Variants in RALGAPA2 observed in about 807,000 individuals in gnomAD.
RALGAPA2 encodes the protein ral GTPase-activating protein subunit alpha-2.
A neutral mutation model predicts 230.4 loss-of-function variants in RALGAPA2; 139 were observed. The observed-to-expected ratio is 0.60, with a 90% CI of 0.53 to 0.69. The LOEUF (loss-of-function observed/expected upper bound fraction) is 0.69. RALGAPA2 is among the 30% of genes least tolerant of loss of function. The pLI, the probability that RALGAPA2 is intolerant of heterozygous loss-of-function variation, is 0.00. For synonymous variants in RALGAPA2, 847 were observed against 837.8 expected, an observed-to-expected ratio of 1.01 and a Z score of -0.19; for missense variants, 2,163 against 2,276.0, an observed-to-expected ratio of 0.95 and a Z score of 1.01.
At chr20:20,549,377 C>A (rs1453627178) in intron 23 of RALGAPA2, among the ~76,000 whole-genome samples, 6 of 152,160 alleles carry the variant, frequency 3.9e-5, no homozygotes, top group African/African-American at 1.4e-4. Context: ...CAGCCAATCA[C>A]TTCAACGGAA....
At chr20:20,599,617 T>G (rs1461405573) in intron 16 of RALGAPA2, among the ~76,000 whole-genome samples, 2 of 152,192 alleles carry the variant, frequency 1.3e-5, no homozygotes, top group Admixed American at 6.5e-5. Flanking sequence ...GAACTACAAA[T>G]GATAGTAACA....
chr20:20,613,891 C>T (rs954022340), intron 13 of RALGAPA2, among the ~76,000 whole-genome samples: 7 of 152,304 alleles, frequency 4.6e-5, no homozygotes, highest in Middle Eastern at 3.4e-3. Context: ...AGGACTCTTT[C>T]CCCTTTGCAA....
chr20:20,532,896 T>G (rs988980428), intron 26 of RALGAPA2, among the ~76,000 whole-genome samples: 1 of 152,050 alleles, frequency 6.6e-6, no homozygotes, highest in Non-Finnish European at 1.5e-5. Context: ...CATGCACTAT[T>G]CAGGAAAAGA....
At chr20:20,569,767 T>A (rs1568590683) in intron 23 of RALGAPA2, among the ~76,000 whole-genome samples, 1 of 152,176 alleles carries the variant, frequency 6.6e-6, no homozygotes, top group Non-Finnish European at 1.5e-5. Flanking sequence ...CTCATTTATG[T>A]GACTTTCTAA....
intron 37 of RALGAPA2, among the ~76,000 whole-genome samples, chr20:20,440,477 C>T (rs1569402452): frequency 6.6e-6 from 1 of 152,190 alleles, no homozygotes; most frequent in Non-Finnish European, 1.5e-5. Context: ...GTACTTGAGG[C>T]TCACTGCTGG....
chr20:20,685,851 G>A (rs2068680059), intron 1 of RALGAPA2, among the ~76,000 whole-genome samples: 1 of 152,060 alleles, frequency 6.6e-6, no homozygotes, highest in African/African-American at 2.4e-5. Flanking sequence ...TTGAAGGGAT[G>A]GCTTCCAGGG....
chr20:20,566,367 T>C (rs8120899), intron 23 of RALGAPA2, among the ~76,000 whole-genome samples: 6,000 of 152,276 alleles, frequency 0.039, 153 homozygotes, highest in South Asian at 0.061. Flanking sequence ...CATACATGGG[T>C]AAAACAAATG....
At chr20:20,643,030 ATAAATAT>A (rs1025114896) in intron 5 of RALGAPA2, among the ~76,000 whole-genome samples, 3 of 152,224 alleles carry the variant, frequency 2.0e-5, no homozygotes, top group African/African-American at 7.2e-5. Context: ...TCTGCCACAA[ATAAATAT>A]TCAAGAGTGA....
chr20:20,608,617 T>C (rs1049527449), intron 14 of RALGAPA2, among the ~76,000 whole-genome samples: 3 of 152,232 alleles, frequency 2.0e-5, no homozygotes, highest in African/African-American at 7.2e-5. Flanking sequence ...TGTCTAGCCA[T>C]TTTAGACAGT....
At chr20:20,680,562 T>C (rs1428597823) in intron 2 of RALGAPA2, 129 bp downstream of exon 2, 13 of 1,297,810 alleles carry the variant, frequency 1.0e-5, no homozygotes, top group African/African-American at 4.7e-5. Context: ...CTGTCCACCA[T>C]GCTCTCACAG....
chr20:20,429,564 T>C (rs2060459546), intron 37 of RALGAPA2, among the ~76,000 whole-genome samples: 1 of 152,206 alleles, frequency 6.6e-6, no homozygotes, highest in African/African-American at 2.4e-5. Flanking sequence ...TTTGAAAAAT[T>C]TACATGACCT....
Position 20,677,380 on chromosome 20 carries a change from G to C in RALGAPA2, c.218-1092C>G, listed in dbSNP as rs529893627. On this transcript the variant is annotated intron_variant, in intron 2 of 39. Coordinates refer to ENST00000202677, the MANE Select transcript of RALGAPA2 (RefSeq NM_020343.4). ...TGGAAGCAAGCCATACGGAAATTTA[G>C]GGGAGGTGTATTCCAGGCAGAGGAA... 3.9e-5 allele frequency among the ~76,000 whole-genome samples: 6 copies of C among 152,260 alleles called. No homozygotes were observed. In the South Asian group the frequency reaches 1.2e-3, roughly 32 times the overall value.
At chr20:20,577,114 T>C (rs1207223308) in intron 20 of RALGAPA2, among the ~76,000 whole-genome samples, 2 of 152,156 alleles carry the variant, frequency 1.3e-5, no homozygotes, top group African/African-American at 4.8e-5. Context: ...GACTGATTTC[T>C]AGGCAATTAT....
Position 20,712,594 on chromosome 20 carries a change from C to G in RALGAPA2, c.-114G>C. ...CGCGCGGGCCACTCGCCGCCCCCAG[C>G]CCCGCTGCTGCCGCCGCCGCCGCCG... On this transcript the variant is annotated 5_prime_UTR_variant, in exon 1 of 40. Coordinates refer to ENST00000202677, the MANE Select transcript of RALGAPA2 (RefSeq NM_020343.4). This position sits in a 1 kb window ranked among gnomAD's most constrained non-coding sequence, Gnocchi z 5.5. 4 of 1,234,538 alleles carry G rather than the reference C, an allele frequency of 3.2e-6. No homozygotes were observed. The highest frequency in any genetic ancestry group is 4.1e-6 in the Non-Finnish European group (4 of 985,562). 76.5% of individuals were successfully genotyped at this position (1,234,538 alleles called of 1,614,324 possible).
intron 1 of RALGAPA2, among the ~76,000 whole-genome samples, chr20:20,684,331 C>G (rs1274223406): frequency 6.6e-6 from 1 of 152,138 alleles, no homozygotes; most frequent in Non-Finnish European, 1.5e-5. Flanking sequence ...CAGAAAGCTA[C>G]TGGGAGATCA....
chr20:20,479,140 T>C (rs984701263), intron 36 of RALGAPA2, among the ~76,000 whole-genome samples: 2 of 152,180 alleles, frequency 1.3e-5, no homozygotes, highest in African/African-American at 2.4e-5. Flanking sequence ...TGAATCATAG[T>C]AGAAAAAAAC....
chr20:20,489,315 G>C (rs2061991165), intron 36 of RALGAPA2, among the ~76,000 whole-genome samples: 1 of 152,116 alleles, frequency 6.6e-6, no homozygotes, highest in African/African-American at 2.4e-5. Flanking sequence ...AGAAAACACA[G>C]GCGTTTCAGT....
At position 20,611,381 on chromosome 20, in the gene RALGAPA2, C is replaced by G. The variant is rs373411060; in HGVS notation, c.1734G>C (p.Met578Ile). 6.2e-7 allele frequency: 1 copy of G among 1,613,540 alleles called. No homozygotes were observed. Among genetic ancestry groups the G allele is most frequent in the African/African-American group, 1.3e-5 (1 of 74,936 alleles). Residue 578 changes from methionine to isoleucine, a missense_variant, in exon 14 of 40, where the codon ATG becomes ATC. By Grantham distance (10) the Met-to-Ile change is conservative. Coordinates refer to ENST00000202677, the MANE Select transcript of RALGAPA2 (RefSeq NM_020343.4). Reference sequence around the variant, plus strand: ...TTATTTGTTTATCCTTTGGCTTCTGCATGACAGCTTCTGTTATCCTGAGTA... The same window carrying G: ...TTATTTGTTTATCCTTTGGCTTCTGGATGACAGCTTCTGTTATCCTGAGTA... ...QILLRITEAV[M>I]QKPKDKQIKD... is the part of the protein sequence containing the mutation.
In RALGAPA2 at chr20:20,546,691, T is replaced by A. The variant is rs754037993; in HGVS notation, c.3285+13A>T. ...CTCTTGGGAGCTGGGATGCTGAGCA[T>A]TGTCATACTCACCGTCAAAATGTCT... is the stretch of plus-strand genomic sequence containing the variant. On this transcript the variant is annotated intron_variant, in intron 24 of 39. Coordinates refer to ENST00000202677, the MANE Select transcript of RALGAPA2 (RefSeq NM_020343.4). The A allele has an allele frequency of 6.9e-6, 11 of 1,585,868 alleles. No individual in the cohort carries two copies. The highest frequency in any genetic ancestry group is 9.4e-6 in the Non-Finnish European group (11 of 1,170,578).
Sources: gnomAD v4.1 joint callset for allele counts (sites outside exome capture counted in the v4.1 genomes callset) on GRCh38, gnomAD v4.1.1 for gene constraint, Gnocchi (gnomAD v3.1) non-coding constraint, MANE v1.5 for transcripts, NCBI Gene and HGNC (gene_info 2026-07-23, HGNC 2026-07-21) for gene names.